Variants in SLC30A8 observed in about 807,000 individuals in gnomAD.
The protein encoded by SLC30A8 is solute carrier family 30 member 8.
Under a neutral mutation model 36.9 loss-of-function variants are expected in SLC30A8, and 27 were observed. That is an observed-to-expected ratio of 0.73 (90% confidence interval 0.54 to 1.01). The LOEUF (loss-of-function observed/expected upper bound fraction) is 1.01, where lower values mean the gene tolerates loss of function less well. Among genes scored for constraint, SLC30A8 ranks in the 50% least tolerant of loss-of-function variants. The pLI is 0.00. For synonymous variants in SLC30A8, 164 were observed against 172.4 expected, an observed-to-expected ratio of 0.95 and a Z score of 0.38; for missense variants, 439 against 452.0, an observed-to-expected ratio of 0.97 and a Z score of 0.26.
chr8:116,955,735 A>T (rs967538131), intron 1 of SLC30A8, among the ~76,000 whole-genome samples: 4 of 145,194 alleles, frequency 2.8e-5, no homozygotes, highest in African/African-American at 5.0e-5. Context: ...AAAAAAAAAA[A>T]TAAAAAAAAA....
At chr8:116,952,422 C>T (rs1814026031) in intron 1 of SLC30A8, among the ~76,000 whole-genome samples, 1 of 151,918 alleles carries the variant, frequency 6.6e-6, no homozygotes, top group Non-Finnish European at 1.5e-5. Flanking sequence ...GCATCATGGC[C>T]CCTCACCCCA....
intron 1 of SLC30A8, among the ~76,000 whole-genome samples, chr8:116,958,230 C>G (rs1814286943): frequency 6.6e-6 from 1 of 152,148 alleles, no homozygotes; most frequent in Non-Finnish European, 1.5e-5. Context: ...AAAGAGGTTC[C>G]ATTCTAGGAA....
upstream of SLC30A8, among the ~76,000 whole-genome samples, chr8:117,133,076 C>T (rs1054124650): frequency 1.8e-4 from 27 of 151,780 alleles, no homozygotes; most frequent in African/African-American, 5.8e-4. Flanking sequence ...ACATACATAT[C>T]CACACATATA....
intron 6 of SLC30A8, among the ~76,000 whole-genome samples, chr8:117,167,291 A>C (rs1458848300): frequency 6.6e-6 from 1 of 152,122 alleles, no homozygotes; most frequent in African/African-American, 2.4e-5. Context: ...AAGACACTTA[A>C]TTTTTAAATT....
At position 116,996,790 on chromosome 8, in the gene SLC30A8, A is replaced by C. The variant is rs117327613; in HGVS notation, c.-265-42429A>C. Among the ~76,000 whole-genome samples the C allele has an allele frequency of 7.9e-4, 121 of 152,292 alleles. No individual in the cohort carries two copies. In the East Asian group the frequency reaches 0.014, roughly 17 times the overall value. ...AAACTTTGAAAGTTTGATGTTTTGC[A>C]TGTATATATGGCTCCTACTCAGTGG... On this transcript the variant is annotated intron_variant, in intron 1 of 10. Coordinates refer to the SLC30A8 transcript ENST00000427715.
chr8:117,095,056 G>A (rs1819298895), intron 2 of SLC30A8, among the ~76,000 whole-genome samples: 1 of 152,212 alleles, frequency 6.6e-6, no homozygotes, highest in African/African-American at 2.4e-5. Flanking sequence ...GGGGGCAGGT[G>A]GGGCCTTCCC....
intron 2 of SLC30A8, among the ~76,000 whole-genome samples, chr8:117,040,940 C>G (rs1229908722): frequency 6.6e-6 from 1 of 152,058 alleles, no homozygotes; most frequent in Admixed American, 6.6e-5. Context: ...ATCACTGGCC[C>G]ATGATGTTGC....
intron 2 of SLC30A8, 66 bp from the exon 3 acceptor site, chr8:117,152,878 T>C: frequency 7.7e-7 from 1 of 1,300,598 alleles, no homozygotes; most frequent in South Asian, 2.2e-5. Context: ...CCATGATGGT[T>C]AGCATGTCTG....
chr8:117,105,349 T>A (rs930194827), intron 2 of SLC30A8, among the ~76,000 whole-genome samples: 1 of 152,028 alleles, frequency 6.6e-6, no homozygotes, highest in African/African-American at 2.4e-5. Context: ...TCCATATTTT[T>A]ATTTATTTAT....
chr8:117,074,595 C>T (rs1427097635), intron 2 of SLC30A8, among the ~76,000 whole-genome samples: 1 of 152,178 alleles, frequency 6.6e-6, no homozygotes, highest in South Asian at 2.1e-4. Context: ...CAACCCCAGT[C>T]TCCCCCTTGA....
intron 2 of SLC30A8, among the ~76,000 whole-genome samples, chr8:117,041,503 CAG>C: frequency 1.3e-5 from 2 of 152,164 alleles, no homozygotes; most frequent in Middle Eastern, 6.8e-3. Context: ...GGCTGCTTAA[CAG>C]AGTGAAACCC....
At chr8:117,011,088 A>G (rs1252791243) in intron 1 of SLC30A8, among the ~76,000 whole-genome samples, 2 of 152,132 alleles carry the variant, frequency 1.3e-5, no homozygotes, top group African/African-American at 2.4e-5. Flanking sequence ...ACTCTTATCT[A>G]CTTCATCCTC....
chr8:116,982,629 A>G (rs954810161), intron 1 of SLC30A8, among the ~76,000 whole-genome samples: 2 of 152,168 alleles, frequency 1.3e-5, no homozygotes, highest in Non-Finnish European at 2.9e-5. Context: ...AATCAATCCC[A>G]TTTATTCCAG....
chr8:117,166,666 A>G (rs1360967577), intron 6 of SLC30A8, among the ~76,000 whole-genome samples: 1 of 152,122 alleles, frequency 6.6e-6, no homozygotes, highest in Non-Finnish European at 1.5e-5. Flanking sequence ...AGGGATTCCC[A>G]CATGCTGGCC....
chr8:117,152,820 T>G (rs1041352225), intron 2 of SLC30A8, 124 bp from the exon 3 acceptor site: 7 of 738,310 alleles, frequency 9.5e-6, no homozygotes, highest in Non-Finnish European at 1.4e-5. Flanking sequence ...AAATCAACTT[T>G]AAGATCTCTT....
intron 2 of SLC30A8, among the ~76,000 whole-genome samples, chr8:117,127,794 T>A (rs1228782536): frequency 1.3e-5 from 2 of 152,028 alleles, no homozygotes; most frequent in Non-Finnish European, 1.5e-5. Context: ...GTAACTGGCC[T>A]GGAGGTATTT....
chr8:117,168,297 C>T (rs1342616779), intron 6 of SLC30A8, among the ~76,000 whole-genome samples: 1 of 152,152 alleles, frequency 6.6e-6, no homozygotes, highest in Non-Finnish European at 1.5e-5. Context: ...TTCCTCACAT[C>T]ATCACAACCA....
At chr8:116,967,122 A>C (rs182691941) in intron 1 of SLC30A8, among the ~76,000 whole-genome samples, 5 of 152,198 alleles carry the variant, frequency 3.3e-5, no homozygotes, top group African/African-American at 1.2e-4. Flanking sequence ...TAATATCATG[A>C]CTCAAATAAA....
chr8:117,157,638 G>A, intron 3 of SLC30A8, 53 bp from the exon 4 acceptor site: 2 of 1,600,740 alleles, frequency 1.2e-6, no homozygotes, highest in South Asian at 2.2e-5. Context: ...GGGTGTAGGT[G>A]TAGGTGATGG....
Sources: allele counts gnomAD v4.1 joint callset (sites outside exome capture counted in the v4.1 genomes callset), GRCh38; gene constraint gnomAD v4.1.1; transcripts MANE v1.5; gene names NCBI Gene and HGNC (gene_info 2026-07-23, HGNC 2026-07-21).